USP32: variants seen among roughly 807,000 people sequenced by gnomAD.
USP32 encodes the protein ubiquitin specific peptidase 32, also known as ubiquitin carboxyl-terminal hydrolase 32.
Under a neutral mutation model 204.8 loss-of-function variants are expected in USP32, and 59 were observed. The observed-to-expected ratio is 0.29, with a 90% CI of 0.23 to 0.36. The LOEUF is 0.36. USP32 is among the 10% of genes least tolerant of loss of function. The pLI is 1.00. For synonymous variants in USP32, 517 were observed against 678.4 expected, an observed-to-expected ratio of 0.76 and a Z score of 3.70; for missense variants, 1,160 against 1,946.4, an observed-to-expected ratio of 0.60 and a Z score of 7.60.
At chr17:60,184,651 G>GTA (rs761577420) in intron 30 of USP32, among the ~76,000 whole-genome samples, 39 of 151,774 alleles carry the variant, frequency 2.6e-4, no homozygotes, top group Middle Eastern at 6.8e-3. Flanking sequence ...TCTACTAAAA[G>GTA]TACAAAAATT....
At chr17:60,366,310 C>T (rs1055938874) in intron 1 of USP32, among the ~76,000 whole-genome samples, 25 of 152,250 alleles carry the variant, frequency 1.6e-4, no homozygotes, top group Admixed American at 8.5e-4. Flanking sequence ...AGACACATGC[C>T]ACCAGGCCCA....
chr17:60,358,993 C>G (rs2089147799), intron 1 of USP32, among the ~76,000 whole-genome samples: 1 of 152,184 alleles, frequency 6.6e-6, no homozygotes, highest in Admixed American at 6.5e-5. Flanking sequence ...ACGAGAGGTT[C>G]CAGCTGCTGC....
At chr17:60,388,980 T>C (rs1380622016) in intron 1 of USP32, among the ~76,000 whole-genome samples, 1 of 152,214 alleles carries the variant, frequency 6.6e-6, no homozygotes, top group Non-Finnish European at 1.5e-5. Flanking sequence ...TGGTAATATA[T>C]GCCTATTTTT....
At chr17:60,346,350 A>C (rs928576866) in intron 1 of USP32, among the ~76,000 whole-genome samples, 5 of 152,218 alleles carry the variant, frequency 3.3e-5, no homozygotes, top group African/African-American at 1.2e-4. Context: ...CAGGTAAGCT[A>C]AATGCCACTG....
chr17:60,381,522 A>G (rs1239849461), intron 1 of USP32, among the ~76,000 whole-genome samples: 2 of 151,900 alleles, frequency 1.3e-5, no homozygotes, highest in African/African-American at 2.4e-5. Context: ...TATTTCCAAT[A>G]GAATAATCTT....
intron 5 of USP32, among the ~76,000 whole-genome samples, chr17:60,287,536 C>T (rs2087147431): frequency 6.6e-6 from 1 of 152,152 alleles, no homozygotes. Flanking sequence ...TCTACTGCTA[C>T]AGAAACTCTG....
At chr17:60,413,549 C>T (rs1215808147) in intron 1 of USP32, among the ~76,000 whole-genome samples, 2 of 152,076 alleles carry the variant, frequency 1.3e-5, no homozygotes, top group Non-Finnish European at 2.9e-5. Flanking sequence ...AAGCTTTTGT[C>T]TAAAACTTTG....
chr17:60,184,513 G>C (rs970645807), intron 30 of USP32, among the ~76,000 whole-genome samples: 1 of 151,984 alleles, frequency 6.6e-6, no homozygotes, highest in South Asian at 2.1e-4. Context: ...GACATGAATA[G>C]AATAAGAAAA....
At chr17:60,367,001 A>G (rs914805260) in intron 1 of USP32, among the ~76,000 whole-genome samples, 5 of 151,758 alleles carry the variant, frequency 3.3e-5, no homozygotes, top group African/African-American at 1.2e-4. Flanking sequence ...TTTTGTTTTT[A>G]TAGTTTTAGT....
chr17:60,410,565 G>A (rs1423532908), intron 1 of USP32, among the ~76,000 whole-genome samples: 1 of 152,112 alleles, frequency 6.6e-6, no homozygotes, highest in Non-Finnish European at 1.5e-5. Flanking sequence ...CTACTCAGGA[G>A]GCTGAGGCAG....
intron 2 of USP32, among the ~76,000 whole-genome samples, chr17:60,344,272 G>A (rs1481365812): frequency 6.7e-6 from 1 of 149,140 alleles, no homozygotes; most frequent in Non-Finnish European, 1.5e-5. Flanking sequence ...GGGATTACAG[G>A]CACCCGCCAC....
intron 1 of USP32, among the ~76,000 whole-genome samples, chr17:60,349,624 T>TATATACATATATATACACA (rs1491225872): frequency 3.3e-5 from 2 of 60,256 alleles, no homozygotes; most frequent in African/African-American, 2.4e-4. Context: ...TATATATATA[T>TATATACATATATATACACA]TATATATATA....
Position 60,192,870 on chromosome 17 carries a change from G to A in USP32, c.3495C>T (p.Asn1165=). 6.2e-7 allele frequency: 1 copy of A among 1,614,044 alleles called. No homozygotes were observed. Among genetic ancestry groups the A allele is most frequent in the Non-Finnish European group, 8.5e-7 (1 of 1,179,888 alleles). The change falls in exon 28 of 34, where the codon AAC becomes AAT. Residue 1165 remains asparagine (N), a synonymous_variant. Transcript: ENST00000300896. ...TATACCATGGGCACCAAGCACAGGA[G>A]TTCCCATCTTTCTGCACAACTCGTA... The part of the protein sequence containing the change: ...FTLRVVQKDG[N]SCAWCPWYRF...
intron 2 of USP32, among the ~76,000 whole-genome samples, chr17:60,322,403 A>G (rs1289580909): frequency 3.9e-5 from 6 of 152,212 alleles, no homozygotes; most frequent in African/African-American, 1.4e-4. Context: ...CATGGCATAT[A>G]CAACTTGAAA....
At chr17:60,377,394 C>T (rs2089567703) in intron 1 of USP32, among the ~76,000 whole-genome samples, 1 of 152,154 alleles carries the variant, frequency 6.6e-6, no homozygotes, top group Non-Finnish European at 1.5e-5. Context: ...ATATAAATGT[C>T]ACTTGCATCA....
At chr17:60,249,726 T>C (rs1197519939) in intron 11 of USP32, 1 of 701,362 alleles carries the variant, frequency 1.4e-6, no homozygotes, top group Non-Finnish European at 2.6e-6. Context: ...CTCAATTTCT[T>C]GTATATATTT....
intron 2 of USP32, among the ~76,000 whole-genome samples, chr17:60,324,550 T>C (rs1028763055): frequency 6.6e-6 from 1 of 152,018 alleles, no homozygotes; most frequent in Non-Finnish European, 1.5e-5. Flanking sequence ...AATGGTATGG[T>C]TAAAAGTCAC....
At chr17:60,346,110 G>C (rs189044868) in intron 1 of USP32, among the ~76,000 whole-genome samples, 5 of 151,260 alleles carry the variant, frequency 3.3e-5, no homozygotes, top group Non-Finnish European at 1.5e-5. Flanking sequence ...TAGAAAATAA[G>C]TATAATTTTT....
At chr17:60,256,893 G>T in intron 9 of USP32, 1 of 470,038 alleles carries the variant, frequency 2.1e-6, no homozygotes, top group Non-Finnish European at 3.7e-6. Flanking sequence ...GAGTATCCAG[G>T]TCCTTCCCAT....
Sources: allele counts gnomAD v4.1 joint callset (sites outside exome capture counted in the v4.1 genomes callset), GRCh38; gene constraint gnomAD v4.1.1; transcripts MANE v1.5; gene names NCBI Gene and HGNC (gene_info 2026-07-23, HGNC 2026-07-21).